The following UNC5A variants were observed in gnomAD, a reference collection of about 807,000 sequenced individuals.
UNC5A encodes the protein unc-5 netrin receptor A.
In UNC5A, 20 loss-of-function variants were observed where a neutral mutation model predicts 87.4. That is an observed-to-expected ratio of 0.23 (90% CI 0.16 to 0.33). The LOEUF is 0.33. UNC5A is among the 10% of genes least tolerant of loss of function. The pLI is 1.00. For synonymous variants in UNC5A, 438 were observed against 482.3 expected, an observed-to-expected ratio of 0.91 and a Z score of 1.20; for missense variants, 844 against 1,133.4, an observed-to-expected ratio of 0.74 and a Z score of 3.67.
chr5:176,875,634 G>A lies in UNC5A; in HGVS notation c.1378+1068G>A, dbSNP rs183198778. On this transcript the variant is annotated intron_variant, in intron 8 of 14. Transcript: ENST00000329542. The surrounding 1 kb of genome is among the most constrained non-coding windows in gnomAD (Gnocchi z 5.2). ...AGCCAGAGTTGATCATGACCCTCTC[G>A]TGCTCGAATCCCTTCTGGGCTCCCC... Among the ~76,000 whole-genome samples, 32 of 152,130 alleles carry A rather than the reference G, an allele frequency of 2.1e-4. No individual in the cohort carries two copies. The highest frequency in any genetic ancestry group is 6.5e-4 in the Admixed American group (10 of 15,268).
Position 176,865,293 on chromosome 5 carries a change from G to A in UNC5A, c.292+2448G>A, listed in dbSNP as rs1008766301. ...CCAGCACCCCCTTCCGGGCTCCCCC[G>A]CACACCCCTCTGTCTGAAACACCCC... On this transcript the variant is annotated intron_variant, in intron 2 of 14. Coordinates refer to ENST00000329542, the MANE Select transcript of UNC5A (RefSeq NM_133369.3). The surrounding 1 kb of genome is among the most constrained non-coding windows in gnomAD (Gnocchi z 5.3). Among the ~76,000 whole-genome samples the A allele has an allele frequency of 1.3e-5, 2 of 151,870 alleles. No homozygotes were observed. Among genetic ancestry groups the A allele is most frequent in the East Asian group, 1.9e-4 (1 of 5,166 alleles).
intron 1 of UNC5A, among the ~76,000 whole-genome samples, chr5:176,815,893 A>T (rs1370636932): frequency 6.6e-6 from 1 of 152,152 alleles, no homozygotes. Flanking sequence ...CACAAGGGGC[A>T]ATTGTTTGGA....
At chr5:176,864,781 C>T (rs1488121753) in intron 2 of UNC5A, 1 of 455,000 alleles carries the variant, frequency 2.2e-6, no homozygotes, top group Non-Finnish European at 4.4e-6. Context: ...GTTATGCTCT[C>T]AGGGCAGTGA....
intron 2 of UNC5A, among the ~76,000 whole-genome samples, chr5:176,863,497 G>C (rs73804253): frequency 0.011 from 1,642 of 152,226 alleles, 32 homozygotes; most frequent in African/African-American, 0.038. Context: ...TGAGCAGAGG[G>C]GGCCAGCCAG....
intron 1 of UNC5A, among the ~76,000 whole-genome samples, chr5:176,812,062 A>C (rs1038152435): frequency 1.3e-5 from 2 of 149,450 alleles, no homozygotes. Flanking sequence ...ACCCCTCTCT[A>C]CTCCATCCCA....
chr5:176,818,628 G>A (rs1756653333), intron 1 of UNC5A, among the ~76,000 whole-genome samples: 1 of 152,060 alleles, frequency 6.6e-6, no homozygotes, highest in South Asian at 2.1e-4. Flanking sequence ...GACCTTATTG[G>A]GCAGCTACTA....
intron 8 of UNC5A, among the ~76,000 whole-genome samples, chr5:176,876,250 C>T (rs966393920): frequency 5.9e-5 from 9 of 152,260 alleles, no homozygotes; most frequent in African/African-American, 1.9e-4. Flanking sequence ...GCTGGGACCG[C>T]GGGGCAGTGC....
Position 176,865,213 on chromosome 5 carries a change from G to A in UNC5A, c.292+2368G>A, listed in dbSNP as rs1561663077. 1.3e-5 allele frequency among the ~76,000 whole-genome samples: 2 copies of A among 152,300 alleles called. No homozygotes were observed. The highest frequency in any genetic ancestry group is 1.9e-4 in the East Asian group (1 of 5,180). On this transcript the variant is annotated intron_variant, in intron 2 of 14. Coordinates refer to ENST00000329542, the MANE Select transcript of UNC5A (RefSeq NM_133369.3). The surrounding 1 kb of genome is among the most constrained non-coding windows in gnomAD (Gnocchi z 5.3). ...TGGCAGGTCCCCCAGGGAAAGCACA[G>A]CCAGAGAGCTGCTCTCCTGCAGCCT...
intron 1 of UNC5A, among the ~76,000 whole-genome samples, chr5:176,862,332 G>GA (rs1460864846): frequency 6.6e-6 from 1 of 152,236 alleles, no homozygotes; most frequent in African/African-American, 2.4e-5. Flanking sequence ...GGACTTCTAG[G>GA]AAGGCAGTCG....
intron 1 of UNC5A, among the ~76,000 whole-genome samples, chr5:176,855,831 A>C (rs1757654260): frequency 6.6e-6 from 1 of 152,278 alleles, no homozygotes; most frequent in African/African-American, 2.4e-5. Context: ...TCCAGGGCTC[A>C]GGGGTGCAAT....
intron 1 of UNC5A, among the ~76,000 whole-genome samples, chr5:176,823,789 C>G (rs919624715): frequency 6.6e-6 from 1 of 152,102 alleles, no homozygotes; most frequent in Non-Finnish European, 1.5e-5. Context: ...CTCCTCTCAG[C>G]TCCACCCTAT....
chr5:176,879,595 T>C, intron 14 of UNC5A, 107 bp downstream of exon 14: 2 of 1,544,038 alleles, frequency 1.3e-6, no homozygotes, highest in East Asian at 2.3e-5. Context: ...GTGCCGCATC[T>C]ACTAGTGGCC....
chr5:176,826,928 C>G (rs1045650293), intron 1 of UNC5A, among the ~76,000 whole-genome samples: 1 of 152,062 alleles, frequency 6.6e-6, no homozygotes, highest in Non-Finnish European at 1.5e-5. Flanking sequence ...CGTGAGCCAC[C>G]GCGCCCGGCC....
At chr5:176,839,671 C>T (rs953185468) in intron 1 of UNC5A, among the ~76,000 whole-genome samples, 19 of 152,176 alleles carry the variant, frequency 1.2e-4, no homozygotes, top group Admixed American at 7.9e-4. Context: ...TGAGGATGTG[C>T]AGGGAGTGGG....
rs970084443 is a variant in UNC5A at position 176,810,564 on chromosome 5, G to A, written c.-187G>A. ...CGCTGCGCTCCGCCCCGGCTGCATT[G>A]CTGCGCTCCCGTGCCCAAGGGAGCC... On this transcript the variant is annotated 5_prime_UTR_variant, in exon 1 of 15. Transcript: ENST00000329542. The surrounding 1 kb of genome is among the most constrained non-coding windows in gnomAD (Gnocchi z 7.3). 6.8e-6 allele frequency: 1 copy of A among 147,586 alleles called. No homozygotes were observed. The highest frequency in any genetic ancestry group is 1.5e-5 in the Non-Finnish European group (1 of 66,638). The allele number at this position is 147,586 out of a possible 1,614,324, so 9.1% of individuals were successfully genotyped here.
rs1422852673 is a variant in UNC5A, at chr5:176,877,914, G to A, written c.1656G>A (p.Glu552=). The change falls in exon 11 of 15, where the codon GAG becomes GAA. Residue 552 remains glutamate, a synonymous_variant. Transcript: ENST00000329542. ...GSWEDVLHLG[E]EAPSHLYYCQ... is the part of the protein sequence containing the mutation. ...CACAGGATGTGCTGCACCTGGGCGA[G>A]GAGGCGCCCTCCCACCTCTACTACT... The A allele has an allele frequency of 3.7e-6, 6 of 1,602,310 alleles. No homozygotes were observed. The South Asian group carries it at 6.6e-5, about 18-fold the overall frequency.
rs900095816 is a variant in UNC5A at position 176,866,495 on chromosome 5, G to C, written c.293-1635G>C. On this transcript the variant is annotated intron_variant, in intron 2 of 14. Transcript: ENST00000329542. This position sits in a 1 kb window ranked among gnomAD's most constrained non-coding sequence, Gnocchi z 5.0. ...TGTTCTCCCAAGCTGAGCCGCCTGG[G>C]CCATGGGTGAGGCTCCTGAAGGAGG... Among the ~76,000 whole-genome samples, 1 of 152,188 alleles carries C rather than the reference G, an allele frequency of 6.6e-6. No individual in the cohort carries two copies. The highest frequency in any genetic ancestry group is 2.4e-5 in the African/African-American group (1 of 41,438).
At position 176,878,275 on chromosome 5, in the gene UNC5A, G is replaced by C; in HGVS notation, c.1901G>C (p.Gly634Ala). The change falls in exon 12 of 15, where the codon GGA becomes GCA. Residue 634 changes from glycine to alanine, a missense_variant. Gly to Ala is a moderately conservative substitution (Grantham distance 60). This residue lies in a region of UNC5A where 177 missense variants were observed against 279.4 expected (regional missense o/e 0.63). Transcript: ENST00000329542. ...GTGCAGCTGGAGAAGCAGCTGGGGG[G>C]ACAGCTGATCCAGGAGCCACGGGTC... is the stretch of plus-strand genomic sequence containing the variant. ...EVVQLEKQLG[G>A]QLIQEPRVLH... The C allele has an allele frequency of 6.2e-7, 1 of 1,612,838 alleles. No homozygotes were observed. The highest frequency in any genetic ancestry group is 1.1e-5 in the South Asian group (1 of 91,088).
At chr5:176,823,014 G>A (rs1166912932) in intron 1 of UNC5A, among the ~76,000 whole-genome samples, 1 of 152,128 alleles carries the variant, frequency 6.6e-6, no homozygotes, top group Non-Finnish European at 1.5e-5. Context: ...AGCAGGGAGA[G>A]GCTGGAGGCA....
Sources: gnomAD v4.1 joint callset for allele counts (sites outside exome capture counted in the v4.1 genomes callset) on GRCh38, gnomAD v4.1.1 for gene constraint, gnomAD v4.1.1 regional missense constraint, Gnocchi (gnomAD v3.1) non-coding constraint, MANE v1.5 for transcripts, NCBI Gene and HGNC (gene_info 2026-07-23, HGNC 2026-07-21) for gene names.